ARHGAP39: variants seen among roughly 807,000 people sequenced by gnomAD.
ARHGAP39 encodes the protein rho GTPase-activating protein 39.
In ARHGAP39, 44 loss-of-function variants were observed where a neutral mutation model predicts 106.9. That is an observed-to-expected ratio of 0.41 (90% confidence interval 0.32 to 0.53). The LOEUF (loss-of-function observed/expected upper bound fraction) is 0.53, where lower values mean the gene tolerates loss of function less well. Ranked by LOEUF, ARHGAP39 falls within the 20% of genes least tolerant of loss-of-function variation. The pLI is 0.21. For synonymous variants in ARHGAP39, 768 were observed against 693.2 expected (o/e 1.11, Z -1.69); for missense variants, 1,496 against 1,577.3 (o/e 0.95, Z 0.87).
chr8:144,676,905 C>T (rs1330023038), intron 1 of ARHGAP39, among the ~76,000 whole-genome samples: 5 of 152,246 alleles, frequency 3.3e-5, no homozygotes, highest in Non-Finnish European at 7.3e-5. Flanking sequence ...GCTGCCAGCA[C>T]GTTGTCACCT....
intron 1 of ARHGAP39, among the ~76,000 whole-genome samples, chr8:144,618,203 C>T (rs986647476): frequency 5.3e-5 from 8 of 152,218 alleles, no homozygotes; most frequent in Non-Finnish European, 1.0e-4. Flanking sequence ...CATGGCAAAG[C>T]CCACCCGAGC....
chr8:144,594,235 A>G (rs1819512369), intron 2 of ARHGAP39, among the ~76,000 whole-genome samples: 1 of 152,228 alleles, frequency 6.6e-6, no homozygotes, highest in Non-Finnish European at 1.5e-5. Context: ...ATGCAAATCA[A>G]AAAATCAAAA....
At chr8:144,581,901 T>C (rs564337011) in intron 2 of ARHGAP39, among the ~76,000 whole-genome samples, 1 of 152,312 alleles carries the variant, frequency 6.6e-6, no homozygotes, top group Non-Finnish European at 1.5e-5. Flanking sequence ...TCCATGTTTC[T>C]ACACGGAAAC....
At position 144,647,712 on chromosome 8, in the gene ARHGAP39, T is replaced by C. The variant is rs1030210872; in HGVS notation, c.-82+37974A>G. 6.6e-6 allele frequency among the ~76,000 whole-genome samples: 1 copy of C among 152,174 alleles called. No individual in the cohort carries two copies. Among genetic ancestry groups the C allele is most frequent in the Non-Finnish European group, 1.5e-5 (1 of 68,026 alleles). ...GCTGGGGGACAGTCCTGGAGACCAA[T>C]GCAGAATGCAGAGAAAGCAAGACGC... On this transcript the variant is annotated intron_variant, in intron 1 of 11. Transcript: ENST00000377307. The surrounding 1 kb of genome is among the most constrained non-coding windows in gnomAD (Gnocchi z 4.8).
chr8:144,629,692 C>G (rs190308240), intron 1 of ARHGAP39, among the ~76,000 whole-genome samples: 120 of 152,352 alleles, frequency 7.9e-4, no homozygotes, highest in African/African-American at 2.9e-3. Flanking sequence ...ATGAGCGCCT[C>G]TGCCCAGGGG....
intron 1 of ARHGAP39, among the ~76,000 whole-genome samples, chr8:144,626,711 C>T (rs1820926279): frequency 6.6e-6 from 1 of 152,236 alleles, no homozygotes; most frequent in African/African-American, 2.4e-5. Context: ...AGGTGGACCC[C>T]CACGGCCCGT....
chr8:144,564,806 T>G (rs1818330437), intron 3 of ARHGAP39, among the ~76,000 whole-genome samples: 1 of 142,144 alleles, frequency 7.0e-6, no homozygotes, highest in Non-Finnish European at 1.5e-5. Flanking sequence ...CATAGTGAGA[T>G]CTCTAAAAAA....
Position 144,534,108 on chromosome 8 carries a change from GC to G in ARHGAP39, c.2688+20del. 6.2e-7 allele frequency: 1 copy of G among 1,611,548 alleles called. No homozygotes were observed. The highest frequency in any genetic ancestry group is 8.5e-7 in the Non-Finnish European group (1 of 1,179,318). On this transcript the variant is annotated intron_variant, in intron 8 of 11. Transcript: ENST00000377307. ...TCTGTGTCCCCGCCTGCCCTCCCCG[GC>G]CCCCCAGGCGCACCCGTACCTTCTT...
chr8:144,653,716 C>T (rs928773537), intron 1 of ARHGAP39, among the ~76,000 whole-genome samples: 3 of 152,180 alleles, frequency 2.0e-5, no homozygotes, highest in African/African-American at 7.2e-5. Flanking sequence ...CTGGACTTGT[C>T]CTCCTGTTGG....
chr8:144,545,317 G>A lies in ARHGAP39; in HGVS notation c.2453C>T (p.Thr818Ile). Residue 818 changes from threonine (T) to isoleucine (I), a missense_variant, in exon 6 of 12, where the codon ACC (threonine) becomes ATC (isoleucine). Around this residue, in one of 4 missense-constraint regions of ARHGAP39, gnomAD observed 470 missense variants for 605.1 expected, o/e 0.78. Coordinates refer to ENST00000377307, the MANE Select transcript of ARHGAP39 (RefSeq NM_025251.3). Reference sequence around the variant, plus strand: ...TTCCAGGTAGGAGTGGAACTTGGGGGTGGGCGGGAAAAAGGCCAGGCAGAT... The same window carrying A: ...TTCCAGGTAGGAGTGGAACTTGGGGATGGGCGGGAAAAAGGCCAGGCAGAT... ...MAICLAFFPP[T>I]PKFHSYLEGY... 6.3e-7 allele frequency: 1 copy of A among 1,592,612 alleles called. No individual in the cohort carries two copies. The highest frequency in any genetic ancestry group is 8.6e-7 in the Non-Finnish European group (1 of 1,165,680).
intron 1 of ARHGAP39, among the ~76,000 whole-genome samples, chr8:144,607,114 A>G (rs190554083): frequency 1.6e-4 from 25 of 152,118 alleles, no homozygotes; most frequent in African/African-American, 5.5e-4. Context: ...ACTCCTACCA[A>G]TAAGTAAGGA....
At chr8:144,617,444 C>A (rs531422684) in intron 1 of ARHGAP39, among the ~76,000 whole-genome samples, 1 of 152,038 alleles carries the variant, frequency 6.6e-6, no homozygotes, top group East Asian at 1.9e-4. Context: ...GAGACCTGAG[C>A]ACCCAGCGCC....
In ARHGAP39 at chr8:144,627,659, G is replaced by A. The variant is rs554379734; in HGVS notation, c.-81-21964C>T. Reference sequence around the variant, plus strand: ...CTTGGTCCCAGCACTTTGGGAGGCTGAGGTGGGAGGATCACTTGAGCCCAG... The same window carrying A: ...CTTGGTCCCAGCACTTTGGGAGGCTAAGGTGGGAGGATCACTTGAGCCCAG... On this transcript the variant is annotated intron_variant, in intron 1 of 11. Coordinates refer to ENST00000377307, the MANE Select transcript of ARHGAP39 (RefSeq NM_025251.3). 6.6e-5 allele frequency among the ~76,000 whole-genome samples: 10 copies of A among 152,262 alleles called. No homozygotes were observed. In the East Asian group the frequency reaches 1.7e-3, roughly 26 times the overall value.
intron 1 of ARHGAP39, among the ~76,000 whole-genome samples, chr8:144,681,677 T>A (rs1822422736): frequency 6.6e-6 from 1 of 152,112 alleles, no homozygotes; most frequent in Non-Finnish European, 1.5e-5. Context: ...CCACAGCCCA[T>A]CCCAGCAGAG....
chr8:144,583,159 C>A (rs1252424031), intron 2 of ARHGAP39, among the ~76,000 whole-genome samples: 1 of 152,230 alleles, frequency 6.6e-6, no homozygotes. Flanking sequence ...CCCTCCCTCC[C>A]AGCCCACAGT....
chr8:144,670,557 A>C lies in ARHGAP39; in HGVS notation c.-82+15129T>G, dbSNP rs1822076464. 6.6e-6 allele frequency among the ~76,000 whole-genome samples: 1 copy of C among 152,156 alleles called. No individual in the cohort carries two copies. The highest frequency in any genetic ancestry group is 6.5e-5 in the Admixed American group (1 of 15,274). ...ACTATTTTGGGTGGGCTCTTGGTGC[A>C]GTCTGGCTGGCTGCCTCACTTGTCC... On this transcript the variant is annotated intron_variant, in intron 1 of 11. Coordinates refer to ENST00000377307, the MANE Select transcript of ARHGAP39 (RefSeq NM_025251.3). The surrounding 1 kb of genome is among the most constrained non-coding windows in gnomAD (Gnocchi z 4.4).
intron 1 of ARHGAP39, among the ~76,000 whole-genome samples, chr8:144,610,109 A>C (rs1820436995): frequency 6.6e-6 from 1 of 152,220 alleles, no homozygotes; most frequent in Admixed American, 6.5e-5. Context: ...ATTTGTTGGC[A>C]TAAGTTATTA....
intron 6 of ARHGAP39, among the ~76,000 whole-genome samples, chr8:144,540,711 G>C (rs940503039): frequency 4.6e-5 from 7 of 151,802 alleles, no homozygotes; most frequent in African/African-American, 1.7e-4. Flanking sequence ...GAGGTGGGAG[G>C]ATCCCACGAG....
chr8:144,557,378 A>G (rs35932953), intron 3 of ARHGAP39, among the ~76,000 whole-genome samples: 1,102 of 18,974 alleles, frequency 0.058, 11 homozygotes, highest in East Asian at 0.096. Context: ...CTGAACCTTC[A>G]TAGTATTCAG....
Sources: gnomAD v4.1 joint callset for allele counts (sites outside exome capture counted in the v4.1 genomes callset) on GRCh38, gnomAD v4.1.1 for gene constraint, gnomAD v4.1.1 regional missense constraint, Gnocchi (gnomAD v3.1) non-coding constraint, MANE v1.5 for transcripts, NCBI Gene and HGNC (gene_info 2026-07-23, HGNC 2026-07-21) for gene names.